CD200: variants seen among roughly 807,000 people sequenced by gnomAD.
CD200 encodes OX-2 membrane glycoprotein.
Under a neutral mutation model 30.9 loss-of-function variants are expected in CD200, and 15 were observed. The ratio of observed to expected loss-of-function variants is 0.49; its 90% confidence interval spans 0.32 to 0.75. The LOEUF (loss-of-function observed/expected upper bound fraction) is 0.75, where lower values mean the gene tolerates loss of function less well. CD200 is among the 30% of genes least tolerant of loss of function. The pLI is 0.03. For missense variants in CD200, 262 were observed against 324.2 expected (o/e 0.81, Z 1.47); for synonymous variants, 134 against 126.2 (o/e 1.06, Z -0.41).
Position 112,347,715 on chromosome 3 carries a change from G to A in CD200, c.579G>A (p.Thr193=), listed in dbSNP as rs1050572. ...TVTLSHPNGT[T]SVTSILHIKD... is the part of the protein sequence containing the mutation. ...CTCTGTCTCACCCAAATGGGACCAC[G>A]TCTGTTACCAGCATCCTCCATATCA... The change falls in exon 4 of 6, where the codon ACG becomes ACA. Residue 193 remains threonine, a synonymous_variant. Coordinates refer to ENST00000315711, the MANE Select transcript of CD200 (RefSeq NM_005944.7). 0.1 allele frequency: 165,543 copies of A among 1,613,630 alleles called. 12,039 individuals are homozygous for A. The highest frequency in any genetic ancestry group is 0.29 in the African/African-American group (22,048 of 74,866).
chr3:112,362,696 G>A lies in CD200; in HGVS notation c.*1146G>A, dbSNP rs6780859. On this transcript the variant is annotated 3_prime_UTR_variant, in exon 6 of 6. Coordinates refer to ENST00000315711, the MANE Select transcript of CD200 (RefSeq NM_005944.7). ...AGGAATTAAAGTGTAAGTTGTTTTC[G>A]CTGTTAAATTGGATATTTATATATA... is the stretch of plus-strand genomic sequence containing the variant. The A allele has an allele frequency of 4.7e-4, 58 of 123,152 alleles. No individual in the cohort carries two copies. The highest frequency in any genetic ancestry group is 7.8e-3 in the Middle Eastern group (2 of 258). The allele number at this position is 123,152 out of a possible 1,614,324, so 7.6% of individuals were successfully genotyped here.
intron 1 of CD200, chr3:112,336,015 C>T (rs752898021): frequency 1.2e-5 from 20 of 1,604,080 alleles, no homozygotes; most frequent in African/African-American, 2.7e-5. Context: ...CAATGATTAC[C>T]AGGTAATTTT....
At chr3:112,348,568 C>T (rs2081457822) in intron 4 of CD200, among the ~76,000 whole-genome samples, 1 of 152,204 alleles carries the variant, frequency 6.6e-6, no homozygotes, top group Non-Finnish European at 1.5e-5. Context: ...ATAGCCACGT[C>T]TTTTCTCTGT....
intron 4 of CD200, among the ~76,000 whole-genome samples, chr3:112,348,403 T>C (rs1421442446): frequency 6.6e-6 from 1 of 152,232 alleles, no homozygotes; most frequent in Admixed American, 6.5e-5. Context: ...TCGTCACCCA[T>C]TTTAAAGCAA....
rs746106803 is a variant in CD200, at chr3:112,347,682, T to C, written c.546T>C (p.Ser182=). Residue 182 remains serine, a synonymous_variant, in exon 4 of 6, where the codon AGT becomes AGC. Coordinates refer to ENST00000315711, the MANE Select transcript of CD200 (RefSeq NM_005944.7). ...WKVPRSGIEN[S]TVTLSHPNGT... ...TCCCTCGGTCAGGGATTGAAAATAG[T>C]ACAGTGACTCTGTCTCACCCAAATG... 1 of 1,614,092 alleles carries C rather than the reference T, an allele frequency of 6.2e-7. No individual in the cohort carries two copies. Among genetic ancestry groups the C allele is most frequent in the Non-Finnish European group, 8.5e-7 (1 of 1,179,984 alleles).
Position 112,345,104 on chromosome 3 carries a change from C to G in CD200, c.237C>G (p.Ser79Arg). Residue 79 changes from serine to arginine, a missense_variant, in exon 3 of 6, where the codon AGC becomes AGG. Coordinates refer to ENST00000315711, the MANE Select transcript of CD200 (RefSeq NM_005944.7). ...GCCCAGAAAACATGGTCACCTTCAG[C>G]GAGAACCATGGGGTGGTGATCCAGC... is the stretch of plus-strand genomic sequence containing the variant. Reference protein sequence around the residue: ...AVSPENMVTFSENHGVVIQPA... With the variant: ...AVSPENMVTFRENHGVVIQPA... 6.2e-7 allele frequency: 1 copy of G among 1,614,044 alleles called. No homozygotes were observed. The highest frequency in any genetic ancestry group is 8.5e-7 in the Non-Finnish European group (1 of 1,179,988).
chr3:112,342,278 C>CTTCA (rs1287903335), intron 2 of CD200, among the ~76,000 whole-genome samples: 1 of 35,426 alleles, frequency 2.8e-5, no homozygotes, highest in African/African-American at 1.2e-4. Context: ...ACTGTCCTTC[C>CTTCA]TTCCTTCCTT....
chr3:112,334,949 TTCA>T (rs2081080031), intron 1 of CD200, among the ~76,000 whole-genome samples: 1 of 152,238 alleles, frequency 6.6e-6, no homozygotes, highest in Non-Finnish European at 1.5e-5. Flanking sequence ...TTCTGCATTC[TTCA>T]TCATGGCCTC....
At chr3:112,349,140 C>T (rs1434969586) in intron 4 of CD200, among the ~76,000 whole-genome samples, 1 of 152,126 alleles carries the variant, frequency 6.6e-6, no homozygotes, top group Non-Finnish European at 1.5e-5. Context: ...CCTCATTTGC[C>T]TTTGCATTGC....
chr3:112,341,789 T>A (rs1468378589), intron 2 of CD200, among the ~76,000 whole-genome samples: 1 of 152,206 alleles, frequency 6.6e-6, no homozygotes, highest in Admixed American at 6.5e-5. Context: ...AGTTTTGAGT[T>A]CCCTTTCACT....
intron 2 of CD200, among the ~76,000 whole-genome samples, chr3:112,342,356 T>C (rs1193949164): frequency 0.023 from 357 of 15,710 alleles, 11 homozygotes; most frequent in East Asian, 0.051. Context: ...TTTCTTTCTT[T>C]CTTTCTTTCT....
chr3:112,334,300 C>T lies in CD200; in HGVS notation c.12+1076C>T, dbSNP rs1046322054. 6.2e-6 allele frequency: 6 copies of T among 972,754 alleles called. No homozygotes were observed. In the African/African-American group the frequency reaches 1.1e-4, roughly 17 times the overall value. 60.3% of individuals were successfully genotyped at this position (972,754 alleles called of 1,614,324 possible). Reference sequence around the variant, plus strand: ...ATATAGCTACCAGGTGGGCAGCTGTCTGGTAAGACCCAGGTTTTTGTGAAC... The same window carrying T: ...ATATAGCTACCAGGTGGGCAGCTGTTTGGTAAGACCCAGGTTTTTGTGAAC... On this transcript the variant is annotated intron_variant, in intron 1 of 5. Coordinates refer to ENST00000315711, the MANE Select transcript of CD200 (RefSeq NM_005944.7).
At chr3:112,338,050 T>C (rs950096469) in intron 1 of CD200, among the ~76,000 whole-genome samples, 8 of 152,342 alleles carry the variant, frequency 5.3e-5, no homozygotes, top group Non-Finnish European at 7.3e-5. Flanking sequence ...TCTGTGGTTA[T>C]CTGAATCCAC....
At chr3:112,360,787 C>A (rs1041386695) in intron 5 of CD200, among the ~76,000 whole-genome samples, 1 of 152,158 alleles carries the variant, frequency 6.6e-6, no homozygotes, top group Non-Finnish European at 1.5e-5. Flanking sequence ...GGTTTCCAGG[C>A]TCCCAGTATG....
At chr3:112,360,698 C>T (rs953463680) in intron 5 of CD200, among the ~76,000 whole-genome samples, 1 of 152,068 alleles carries the variant, frequency 6.6e-6, no homozygotes, top group Non-Finnish European at 1.5e-5. Context: ...AAACAATTAC[C>T]TAAGATTACA....
chr3:112,349,670 C>T (rs57404826), intron 4 of CD200, 42 bp from the exon 5 acceptor site: 152,386 of 1,564,964 alleles, frequency 0.097, 9,949 homozygotes, highest in South Asian at 0.25. Flanking sequence ...ACAATTTCCT[C>T]ATGTGATGTC....
chr3:112,347,872 G>A (rs755276587), intron 4 of CD200, 42 bp downstream of exon 4: 2 of 1,572,156 alleles, frequency 1.3e-6, no homozygotes, highest in South Asian at 2.3e-5. Context: ...GTGTCTGTGT[G>A]CATGGACCTG....
At chr3:112,359,310 C>T (rs62264134) in intron 5 of CD200, among the ~76,000 whole-genome samples, 34,983 of 151,920 alleles carry the variant, frequency 0.23, 4,266 homozygotes, top group Non-Finnish European at 0.27. Context: ...GGAAACCATG[C>T]TATCATTTAG....
intron 1 of CD200, among the ~76,000 whole-genome samples, chr3:112,337,571 G>A (rs1018538888): frequency 1.3e-5 from 2 of 152,166 alleles, no homozygotes; most frequent in African/African-American, 4.8e-5. Context: ...AGAAGAAGAT[G>A]GCATCTTGTA....
Sources: allele counts gnomAD v4.1 joint callset (sites outside exome capture counted in the v4.1 genomes callset), GRCh38; gene constraint gnomAD v4.1.1; transcripts MANE v1.5; gene names NCBI Gene and HGNC (gene_info 2026-07-23, HGNC 2026-07-21).